ZNF69: variants seen among roughly 807,000 people sequenced by gnomAD.
The protein encoded by ZNF69 is zinc finger protein 69, also known as ZNF3.
Under a neutral mutation model 50.9 loss-of-function variants are expected in ZNF69, and 47 were observed. The observed-to-expected ratio is 0.92, with a 90% CI of 0.73 to 1.18. The LOEUF is 1.18. Ranked by LOEUF, ZNF69 falls within the 50% of genes most tolerant of loss-of-function variation. The pLI, the probability that ZNF69 is intolerant of heterozygous loss-of-function variation, is 0.00. For missense variants in ZNF69, 717 were observed against 675.1 expected, an observed-to-expected ratio of 1.06 and a Z score of -0.69; for synonymous variants, 216 against 223.1, an observed-to-expected ratio of 0.97 and a Z score of 0.29.
intron 1 of ZNF69, among the ~76,000 whole-genome samples, chr19:11,898,370 C>T (rs1012955718): frequency 2.1e-5 from 3 of 143,756 alleles, no homozygotes; most frequent in African/African-American, 7.7e-5. Context: ...CTTCCAGGCT[C>T]ATAGTTCCTC....
chr19:11,956,740 C>G, the ZNF69 span: 1 of 385,628 alleles, frequency 2.6e-6, no homozygotes, highest in Non-Finnish European at 4.6e-6. Context: ...CCTGTAATCT[C>G]AGCCATTCGG....
At chr19:11,947,653 CAAAG>C in the ZNF69 span, 632 of 1,294,214 alleles carry the variant, frequency 4.9e-4, no homozygotes, top group Non-Finnish European at 6.7e-4. Context: ...AGAAGTAAAA[CAAAG>C]AACTAAATCC....
the ZNF69 span, among the ~76,000 whole-genome samples, chr19:11,968,166 C>T: frequency 1.3e-5 from 2 of 152,160 alleles, no homozygotes; most frequent in African/African-American, 4.8e-5. Flanking sequence ...TAGGCACTTG[C>T]TTCCCTAACA....
chr19:11,932,786 C>A, the ZNF69 span, among the ~76,000 whole-genome samples: 3 of 146,994 alleles, frequency 2.0e-5, no homozygotes, highest in Admixed American at 6.7e-5. Context: ...TACAGGCACC[C>A]GCCACCCCGT....
At chr19:11,960,769 C>G in the ZNF69 span, among the ~76,000 whole-genome samples, 1 of 151,628 alleles carries the variant, frequency 6.6e-6, no homozygotes, top group Non-Finnish European at 1.5e-5. Context: ...AATAATTTAC[C>G]ATGTAGTGGC....
the ZNF69 span, among the ~76,000 whole-genome samples, chr19:11,927,554 C>A: frequency 6.6e-6 from 1 of 152,090 alleles, no homozygotes; most frequent in African/African-American, 2.4e-5. Flanking sequence ...TTAAGTTTTT[C>A]TTATGTAGGG....
chr19:11,918,597 C>T (rs1355965641), downstream of ZNF69, among the ~76,000 whole-genome samples: 1 of 152,102 alleles, frequency 6.6e-6, no homozygotes, highest in African/African-American at 2.4e-5. Context: ...AATCCTCCCA[C>T]CTCGGCTTTC....
At chr19:11,900,923 T>A (rs891502922) in intron 1 of ZNF69, among the ~76,000 whole-genome samples, 2 of 152,222 alleles carry the variant, frequency 1.3e-5, no homozygotes, top group Non-Finnish European at 2.9e-5. Flanking sequence ...GTTTTCTCAG[T>A]GTTACGTTCT....
At chr19:11,946,905 C>A in the ZNF69 span, 1 of 441,696 alleles carries the variant, frequency 2.3e-6, no homozygotes, top group Non-Finnish European at 3.6e-6. Context: ...GAGGCTGAGG[C>A]AGGAGAATCG....
rs561605529 is a variant in ZNF69, at chr19:11,892,523, T to C, written c.63+4537T>C. ...CTGTAACCCCAGCACTTTGGGAGGC[T>C]GAGGCAGGTGGATGGCTTGATCTCA... On this transcript the variant is annotated intron_variant, in intron 1 of 3. Coordinates refer to ENST00000429654, the MANE Select transcript of ZNF69 (RefSeq NM_001364730.1). 1.1e-4 allele frequency among the ~76,000 whole-genome samples: 17 copies of C among 152,066 alleles called. 1 individual carries two copies. In the South Asian group the frequency reaches 2.7e-3, roughly 24 times the overall value.
At chr19:11,921,535 C>A in the ZNF69 span, among the ~76,000 whole-genome samples, 1 of 151,876 alleles carries the variant, frequency 6.6e-6, no homozygotes, top group Non-Finnish European at 1.5e-5. Context: ...CAGAGTCTCA[C>A]TCTGTCATCC....
At chr19:11,908,514 A>G (rs929055214), downstream of ZNF69, among the ~76,000 whole-genome samples, 2 of 152,250 alleles carry the variant, frequency 1.3e-5, no homozygotes, top group Non-Finnish European at 2.9e-5. Flanking sequence ...CAGGATTAAG[A>G]AACTCACTCT....
chr19:11,931,233 C>T, the ZNF69 span, among the ~76,000 whole-genome samples: 2 of 147,886 alleles, frequency 1.4e-5, no homozygotes, highest in Admixed American at 6.7e-5. Context: ...TTCTTGAGGT[C>T]ATGAAGTCCA....
At chr19:11,946,665 T>A in the ZNF69 span, 1 of 152,378 alleles carries the variant, frequency 6.6e-6, no homozygotes, top group African/African-American at 2.4e-5. Flanking sequence ...CCTCTAATGC[T>A]GGCCAGTCTG....
the ZNF69 span, chr19:11,946,963 G>C: frequency 8.8e-6 from 8 of 913,800 alleles, no homozygotes; most frequent in Non-Finnish European, 1.0e-5. Context: ...ACTCCAGCCT[G>C]GGCAACAAGA....
At chr19:11,975,144 G>T in the ZNF69 span, among the ~76,000 whole-genome samples, 1 of 151,636 alleles carries the variant, frequency 6.6e-6, no homozygotes, top group Non-Finnish European at 1.5e-5. Flanking sequence ...TGTTGCCCAG[G>T]CTGGAGTGCA....
chr19:11,949,241 G>A, the ZNF69 span: 126 of 1,613,754 alleles, frequency 7.8e-5, no homozygotes, highest in Admixed American at 2.7e-4. Flanking sequence ...AGTTCCTTTC[G>A]ATATCATGAA....
At chr19:11,890,404 G>A (rs1977056905) in intron 1 of ZNF69, among the ~76,000 whole-genome samples, 1 of 152,158 alleles carries the variant, frequency 6.6e-6, no homozygotes, top group Non-Finnish European at 1.5e-5. Flanking sequence ...TGTTAACAAG[G>A]CACATCCTGC....
At chr19:11,899,264 G>A (rs886494802) in intron 1 of ZNF69, among the ~76,000 whole-genome samples, 3 of 152,068 alleles carry the variant, frequency 2.0e-5, no homozygotes, top group Non-Finnish European at 2.9e-5. Context: ...AAGGTCTCTC[G>A]ATACCTTTGT....
Sources: allele counts gnomAD v4.1 joint callset (sites outside exome capture counted in the v4.1 genomes callset), GRCh38; gene constraint gnomAD v4.1.1; transcripts MANE v1.5; gene names NCBI Gene and HGNC (gene_info 2026-07-23, HGNC 2026-07-21).